Variants in RABGEF1 observed in about 807,000 individuals in gnomAD.
RABGEF1 encodes the protein rab5 GDP/GTP exchange factor.
In RABGEF1, 26 loss-of-function variants were observed where a neutral mutation model predicts 57.3. The observed-to-expected ratio is 0.45, with a 90% CI of 0.33 to 0.63. The LOEUF is 0.63. RABGEF1 is among the 20% of genes least tolerant of loss of function. RABGEF1 has a pLI of 0.02. For missense variants in RABGEF1, 464 were observed against 607.6 expected (o/e 0.76, Z 2.48); for synonymous variants, 185 against 210.7 (o/e 0.88, Z 1.06).
chr7:66,674,951 C>CTA, the RABGEF1 span, among the ~76,000 whole-genome samples: 322 of 148,984 alleles, frequency 2.2e-3, no homozygotes, highest in African/African-American at 4.6e-3. Context: ...AATTATAAAA[C>CTA]TATATATATA....
intron 8 of RABGEF1, 37 bp downstream of exon 8, chr7:66,805,433 T>C: frequency 6.2e-7 from 1 of 1,607,190 alleles, no homozygotes; most frequent in Non-Finnish European, 8.5e-7. Context: ...GGAGAAGGAC[T>C]AGGAAGGTGG....
intron 1 of RABGEF1, among the ~76,000 whole-genome samples, chr7:66,747,836 C>G (rs777077806): frequency 1.1e-4 from 16 of 152,150 alleles, no homozygotes; most frequent in Non-Finnish European, 2.1e-4. Context: ...TTTACTTATT[C>G]CATTATTCCA....
chr7:66,692,194 G>A (rs1481367322), intron 1 of RABGEF1, among the ~76,000 whole-genome samples: 4 of 152,256 alleles, frequency 2.6e-5, no homozygotes, highest in African/African-American at 9.6e-5. Flanking sequence ...TGCATTGGCA[G>A]ATTAAGAAGT....
At chr7:66,704,277 A>G (rs975693233) in intron 1 of RABGEF1, among the ~76,000 whole-genome samples, 3 of 152,104 alleles carry the variant, frequency 2.0e-5, no homozygotes, top group African/African-American at 7.2e-5. Context: ...TTAATTAACC[A>G]CTCTTTTAGT....
chr7:66,737,160 C>T (rs1798086581), upstream of RABGEF1, among the ~76,000 whole-genome samples: 1 of 151,450 alleles, frequency 6.6e-6, no homozygotes, highest in Admixed American at 6.6e-5. Flanking sequence ...AAGCTCCTGG[C>T]TTTAGGCAAT....
intron 1 of RABGEF1, among the ~76,000 whole-genome samples, chr7:66,692,187 A>G (rs1249100699): frequency 6.6e-6 from 1 of 152,250 alleles, no homozygotes; most frequent in African/African-American, 2.4e-5. Context: ...AACAATCTGC[A>G]TTGGCAGATT....
intron 4 of RABGEF1, among the ~76,000 whole-genome samples, chr7:66,792,097 CGA>C (rs1222503297): frequency 2.1e-5 from 3 of 145,026 alleles, no homozygotes; most frequent in Middle Eastern, 3.6e-3. Flanking sequence ...GGCGACAGAG[CGA>C]GACTCCATCT....
chr7:66,762,460 A>G (rs1296139194), intron 1 of RABGEF1, among the ~76,000 whole-genome samples: 1 of 152,086 alleles, frequency 6.6e-6, no homozygotes, highest in Non-Finnish European at 1.5e-5. Context: ...GCATGGTGCC[A>G]CATGCTATAG....
chr7:66,728,273 G>A (rs950417089), intron 2 of RABGEF1, among the ~76,000 whole-genome samples: 19 of 151,934 alleles, frequency 1.3e-4, no homozygotes, highest in African/African-American at 4.3e-4. Context: ...AGCTAAGCTT[G>A]GGGGGGCCAC....
intron 7 of RABGEF1, among the ~76,000 whole-genome samples, chr7:66,799,749 T>G (rs1320562176): frequency 1.3e-5 from 2 of 152,204 alleles, no homozygotes; most frequent in African/African-American, 4.8e-5. Flanking sequence ...AATAAATTTC[T>G]TAGGATTCAG....
At chr7:66,680,607 T>C (rs1268565800), upstream of RABGEF1, among the ~76,000 whole-genome samples, 1 of 151,812 alleles carries the variant, frequency 6.6e-6, no homozygotes, top group East Asian at 1.9e-4. Flanking sequence ...TAGGAAGAAT[T>C]TGAGAAACGA....
intron 2 of RABGEF1, among the ~76,000 whole-genome samples, chr7:66,730,832 C>T (rs1188454688): frequency 6.6e-6 from 1 of 152,158 alleles, no homozygotes; most frequent in Non-Finnish European, 1.5e-5. Context: ...GCTGGGATTA[C>T]AGGTGTGAGC....
upstream of RABGEF1, chr7:66,740,347 C>T (rs1454729456): frequency 6.6e-6 from 1 of 152,278 alleles, no homozygotes; most frequent in East Asian, 1.9e-4. Context: ...CGTCCCTCGG[C>T]GCAGTAGCTC....
chr7:66,692,923 A>G (rs1039475004), intron 1 of RABGEF1, among the ~76,000 whole-genome samples: 2 of 152,138 alleles, frequency 1.3e-5, no homozygotes, highest in Admixed American at 6.5e-5. Flanking sequence ...GGCTGAGGCA[A>G]GGATCATGGG....
At chr7:66,753,654 G>A (rs1040990963) in intron 1 of RABGEF1, among the ~76,000 whole-genome samples, 6 of 146,992 alleles carry the variant, frequency 4.1e-5, no homozygotes, top group Admixed American at 2.7e-4. Context: ...GGATGTCTTC[G>A]CATAACAGTG....
chr7:66,685,167 T>G (rs1274075154), intron 1 of RABGEF1, among the ~76,000 whole-genome samples: 1 of 147,688 alleles, frequency 6.8e-6, no homozygotes, highest in African/African-American at 2.5e-5. Flanking sequence ...TTTTTTTTTT[T>G]TTTTTTGAGA....
At chr7:66,662,909 GGT>G in the RABGEF1 span, among the ~76,000 whole-genome samples, 2 of 150,744 alleles carry the variant, frequency 1.3e-5, no homozygotes, top group African/African-American at 2.4e-5. Context: ...GCATGTGCAA[GGT>G]GTGTGTTTGC....
chr7:66,794,565 A>C (rs1192650591), intron 4 of RABGEF1, among the ~76,000 whole-genome samples: 5 of 152,250 alleles, frequency 3.3e-5, no homozygotes, highest in Non-Finnish European at 5.9e-5. Context: ...CAGTAAAACC[A>C]AATAAAAATT....
intron 2 of RABGEF1, among the ~76,000 whole-genome samples, chr7:66,726,142 C>T (rs1036477081): frequency 2.6e-5 from 4 of 152,218 alleles, no homozygotes; most frequent in African/African-American, 7.2e-5. Flanking sequence ...GCCAGAATCC[C>T]AAAGCACCCA....
Sources: allele counts gnomAD v4.1 joint callset (sites outside exome capture counted in the v4.1 genomes callset), GRCh38; gene constraint gnomAD v4.1.1; transcripts MANE v1.5; gene names NCBI Gene and HGNC (gene_info 2026-07-23, HGNC 2026-07-21).